Variants in DYNC1H1 observed in about 807,000 individuals in gnomAD.
DYNC1H1 encodes cytoplasmic dynein 1 heavy chain 1.
DYNC1H1 carries 51 observed loss-of-function variants against 527.1 expected under a neutral mutation model. The ratio of observed to expected loss-of-function variants is 0.10; its 90% CI spans 0.08 to 0.12. The LOEUF is 0.12. DYNC1H1 is among the 10% of genes least tolerant of loss of function. The pLI, the probability that DYNC1H1 is intolerant of heterozygous loss-of-function variation, is 1.00. For missense variants in DYNC1H1, 2,771 were observed against 5,971.8 expected, an observed-to-expected ratio of 0.46 and a Z score of 17.66; for synonymous variants, 2,189 against 2,278.8, an observed-to-expected ratio of 0.96 and a Z score of 1.12.
intron 11 of DYNC1H1, among the ~76,000 whole-genome samples, chr14:101,993,821 C>T (rs2048025760): frequency 6.6e-6 from 1 of 152,220 alleles, no homozygotes. Flanking sequence ...AATCGCGTCT[C>T]TCCTCCCATA....
chr14:102,040,722 T>TTTGCTGC (rs1450685971), intron 64 of DYNC1H1, 49 bp downstream of exon 64: 11 of 1,608,212 alleles, frequency 6.8e-6, no homozygotes, highest in Non-Finnish European at 8.5e-6. Context: ...AAAGTTGGGT[T>TTTGCTGC]TTGCTGCTTA....
At chr14:101,978,583 T>C (rs964354447) in intron 2 of DYNC1H1, among the ~76,000 whole-genome samples, 4 of 152,214 alleles carry the variant, frequency 2.6e-5, no homozygotes, top group African/African-American at 9.6e-5. Flanking sequence ...GTGTGCAAGG[T>C]GTGGCAGTAG....
rs2047658736 is a variant in DYNC1H1 at position 101,965,650 on chromosome 14, T to TCACC, written c.256+703_256+704insCACC. ...ACACCTGAGGAAACTGAGGCTCAGGTTAAGTGATTTCACCCAAGGTCACCA... is the reference window on the plus strand; with the variant it reads ...ACACCTGAGGAAACTGAGGCTCAGGTCACCTAAGTGATTTCACCCAAGGTCACCA... On this transcript the variant is annotated intron_variant, in intron 1 of 77. Coordinates refer to ENST00000360184, the MANE Select transcript of DYNC1H1 (RefSeq NM_001376.5). The surrounding 1 kb of genome is among the most constrained non-coding windows in gnomAD (Gnocchi z 4.1). Among the ~76,000 whole-genome samples, 9 of 151,988 alleles carry TCACC rather than the reference T, an allele frequency of 5.9e-5. No homozygotes were observed. Among genetic ancestry groups the TCACC allele is most frequent in the Admixed American group, 3.3e-4 (5 of 15,264 alleles).
Position 101,986,673 on chromosome 14 carries a change from C to T in DYNC1H1, c.2448C>T (p.Ile816=), listed in dbSNP as rs145405293. Reference sequence around the variant, plus strand: ...TGAAAAAGGAAGTGCAGGCCCTGATCGCAGAAGGCATTGCGTTGGTGTGGG... The same window carrying T: ...TGAAAAAGGAAGTGCAGGCCCTGATTGCAGAAGGCATTGCGTTGGTGTGGG... ...AGLKKEVQAL[I]AEGIALVWES... The change falls in exon 8 of 78, where the codon ATC becomes ATT. Residue 816 remains isoleucine, a synonymous_variant. Coordinates refer to ENST00000360184, the MANE Select transcript of DYNC1H1 (RefSeq NM_001376.5). The surrounding 1 kb of genome is among the most constrained non-coding windows in gnomAD (Gnocchi z 8.7). The T allele has an allele frequency of 8.9e-5, 144 of 1,614,014 alleles. No individual in the cohort carries two copies. In the African/African-American group the frequency reaches 1.6e-3, roughly 18 times the overall value.
chr14:101,984,372 T>G (rs1487205632), intron 7 of DYNC1H1, among the ~76,000 whole-genome samples: 1 of 150,080 alleles, frequency 6.7e-6, no homozygotes, highest in Non-Finnish European at 1.5e-5. Context: ...CTGTATTGTG[T>G]GTGTGTGTGT....
Position 102,049,617 on chromosome 14 carries a change from C to T in DYNC1H1, c.13515+35C>T, listed in dbSNP as rs748941237. The T allele has an allele frequency of 2.0e-5, 32 of 1,613,280 alleles. No homozygotes were observed. The highest frequency in any genetic ancestry group is 2.7e-5 in the Non-Finnish European group (32 of 1,180,002). On this transcript the variant is annotated intron_variant, in intron 75 of 77. Coordinates refer to ENST00000360184, the MANE Select transcript of DYNC1H1 (RefSeq NM_001376.5). This position sits in a 1 kb window ranked among gnomAD's most constrained non-coding sequence, Gnocchi z 5.5. ...CTCCTGACGAGTCTCGGGTGGTCAG[C>T]AGCTGTCCTGGGCTGGGGTGGGAGT...
At chr14:101,966,502 G>A (rs928702140) in intron 1 of DYNC1H1, among the ~76,000 whole-genome samples, 1 of 151,652 alleles carries the variant, frequency 6.6e-6, no homozygotes, top group Non-Finnish European at 1.5e-5. Context: ...AAAATCACTG[G>A]GAATTGTTTG....
chr14:102,048,423 G>A, intron 73 of DYNC1H1, 93 bp from the exon 74 acceptor site: 2 of 1,543,284 alleles, frequency 1.3e-6, no homozygotes, highest in Non-Finnish European at 1.8e-6. Context: ...AAGCTCTGGG[G>A]CTCTCCCCGG....
At position 102,018,960 on chromosome 14, in the gene DYNC1H1, A is replaced by C. The variant is rs2048355011; in HGVS notation, c.8343+344A>C. ...TGAGACTCTACCTCAAAATAAAATG[A>C]GAAGTTTATTGAAATAAAGATTGGA... On this transcript the variant is annotated intron_variant, in intron 41 of 77. Transcript: ENST00000360184. This position sits in a 1 kb window ranked among gnomAD's most constrained non-coding sequence, Gnocchi z 5.2. 6.6e-6 allele frequency among the ~76,000 whole-genome samples: 1 copy of C among 152,178 alleles called. No individual in the cohort carries two copies. Among genetic ancestry groups the C allele is most frequent in the Admixed American group, 6.5e-5 (1 of 15,278 alleles).
At position 102,042,135 on chromosome 14, in the gene DYNC1H1, T is replaced by C. The variant is rs780202740; in HGVS notation, c.12214+11T>C. 1 of 1,614,052 alleles carries C rather than the reference T, an allele frequency of 6.2e-7. No individual in the cohort carries two copies. Among genetic ancestry groups the C allele is most frequent in the South Asian group, 1.1e-5 (1 of 91,084 alleles). On this transcript the variant is annotated intron_variant, in intron 66 of 77. Coordinates refer to ENST00000360184, the MANE Select transcript of DYNC1H1 (RefSeq NM_001376.5). This position sits in a 1 kb window ranked among gnomAD's most constrained non-coding sequence, Gnocchi z 5.7. ...CTTCAATTGCAATCGGTAAGGATGC[T>C]TGAGGGGCTTCATGGGCTGGAGCCC...
chr14:101,980,892 C>G (rs962925858), intron 5 of DYNC1H1, among the ~76,000 whole-genome samples: 1 of 152,172 alleles, frequency 6.6e-6, no homozygotes, highest in Non-Finnish European at 1.5e-5. Flanking sequence ...TTTTGACAGG[C>G]CAGGCAAGAA....
In DYNC1H1 at chr14:101,964,702, C is replaced by T; in HGVS notation, c.11C>T (p.Pro4Leu). ...CCCGAGCGCGACACCATGTCGGAGC[C>T]CGGGGGCGGCGGCGGCGAGGACGGC... MSE[P>L]GGGGGEDGSA... Residue 4 changes from proline (P) to leucine (L), a missense_variant, in exon 1 of 78, where the codon CCC (proline) becomes CTC (leucine). By Grantham distance (98) the Pro-to-Leu change is moderately conservative. Transcript: ENST00000360184. The surrounding 1 kb of genome is among the most constrained non-coding windows in gnomAD (Gnocchi z 5.5). 2.5e-6 allele frequency: 4 copies of T among 1,593,772 alleles called. No individual in the cohort carries two copies. The highest frequency in any genetic ancestry group is 3.4e-6 in the Non-Finnish European group (4 of 1,175,022).
chr14:102,047,780 C>T (rs1425525348), intron 72 of DYNC1H1, 37 bp from the exon 73 acceptor site: 2 of 1,611,358 alleles, frequency 1.2e-6, no homozygotes, highest in South Asian at 2.2e-5. Flanking sequence ...CCCGTCCCCT[C>T]CCTCCTTCCT....
intron 77 of DYNC1H1, 82 bp from the exon 78 acceptor site, chr14:102,050,352 CG>C: frequency 1.2e-6 from 2 of 1,612,382 alleles, no homozygotes; most frequent in Non-Finnish European, 1.7e-6. Context: ...CTCTCCTTGC[CG>C]GGCCCCATCA....
In DYNC1H1 at chr14:102,013,105, G is replaced by A. The variant is rs17541109; in HGVS notation, c.7014+635G>A. 4.8e-3 allele frequency among the ~76,000 whole-genome samples: 733 copies of A among 151,908 alleles called. 6 individuals are homozygous for A. The highest frequency in any genetic ancestry group is 0.016 in the South Asian group (76 of 4,792). On this transcript the variant is annotated intron_variant, in intron 34 of 77. Coordinates refer to ENST00000360184, the MANE Select transcript of DYNC1H1 (RefSeq NM_001376.5). ...TCTACTAAAAATACAAAAAATTAGC[G>A]GGGCATGGTGGTGGGTGCCTGTAGT...
chr14:102,007,528 G>A (rs561724510), intron 28 of DYNC1H1, among the ~76,000 whole-genome samples: 1 of 152,098 alleles, frequency 6.6e-6, no homozygotes, highest in South Asian at 2.1e-4. Flanking sequence ...TCATGATAAC[G>A]GCTGTTGTTC....
Position 102,042,623 on chromosome 14 carries a change from G to A in DYNC1H1, c.12400-12G>A, listed in dbSNP as rs371395881. On this transcript the variant is annotated splice_polypyrimidine_tract_variant and intron_variant, in intron 68 of 77. Coordinates refer to ENST00000360184, the MANE Select transcript of DYNC1H1 (RefSeq NM_001376.5). The surrounding 1 kb of genome is among the most constrained non-coding windows in gnomAD (Gnocchi z 5.7). ...CACACCCGAGCATAACTGGAACGGC[G>A]CTCTCCCTTAGGTGCCTGTGAATCT... The A allele has an allele frequency of 2.1e-5, 34 of 1,614,106 alleles. No homozygotes were observed. In the Admixed American group the frequency reaches 2.5e-4, roughly 12 times the overall value.
In DYNC1H1 at chr14:102,034,388, G is replaced by T; in HGVS notation, c.10690G>T (p.Ala3564Ser). 6.2e-7 allele frequency: 1 copy of T among 1,613,984 alleles called. No individual in the cohort carries two copies. Among genetic ancestry groups the T allele is most frequent in the Non-Finnish European group, 8.5e-7 (1 of 1,180,046 alleles). ...TGCTGATGAGCGTCTTCGCTGGCAG[G>T]CCAGCTCCTTGCCTGCTGATGACCT... ...SNADERLRWQ[A>S]SSLPADDLCT... The change falls in exon 56 of 78, where the codon GCC (alanine) becomes TCC (serine). Residue 3564 changes from alanine (A) to serine (S), a missense_variant. Coordinates refer to ENST00000360184, the MANE Select transcript of DYNC1H1 (RefSeq NM_001376.5).
At chr14:102,032,819 C>G (rs553330865) in intron 52 of DYNC1H1, 2 of 578,664 alleles carry the variant, frequency 3.5e-6, no homozygotes, top group Non-Finnish European at 6.1e-6. Flanking sequence ...CACCACCGCA[C>G]TCCAGCCTGG....
Sources: allele counts gnomAD v4.1 joint callset (sites outside exome capture counted in the v4.1 genomes callset), GRCh38; gene constraint gnomAD v4.1.1; non-coding constraint Gnocchi (gnomAD v3.1); transcripts MANE v1.5; gene names NCBI Gene and HGNC (gene_info 2026-07-23, HGNC 2026-07-21).